SORCS2: variants seen among roughly 807,000 people sequenced by gnomAD.
SORCS2 encodes VPS10 domain-containing receptor SorCS2.
SORCS2 carries 100 observed loss-of-function variants against 141.6 expected under a neutral mutation model. The observed-to-expected ratio is 0.71, with a 90% CI of 0.60 to 0.83. The LOEUF (loss-of-function observed/expected upper bound fraction) is 0.83, where lower values mean the gene tolerates loss of function less well. SORCS2 is among the 40% of genes least tolerant of loss of function. SORCS2 has a pLI of 0.00. For synonymous variants in SORCS2, 789 were observed against 676.9 expected, an observed-to-expected ratio of 1.17 and a Z score of -2.57; for missense variants, 1,646 against 1,560.2, an observed-to-expected ratio of 1.05 and a Z score of -0.93.
chr4:7,210,514 C>T (rs1003937774), intron 1 of SORCS2, among the ~76,000 whole-genome samples: 6 of 152,096 alleles, frequency 3.9e-5, no homozygotes, highest in African/African-American at 1.4e-4. Flanking sequence ...CTCCTGGGCT[C>T]GAGGGATCTA....
chr4:7,651,007 G>T (rs544923712), intron 4 of SORCS2, among the ~76,000 whole-genome samples: 4 of 152,270 alleles, frequency 2.6e-5, no homozygotes, highest in Admixed American at 2.6e-4. Flanking sequence ...CCCCAGAGGG[G>T]CAGCTGGCAA....
At chr4:7,250,860 C>T (rs541866511) in intron 1 of SORCS2, among the ~76,000 whole-genome samples, 18 of 152,382 alleles carry the variant, frequency 1.2e-4, no homozygotes, top group South Asian at 2.1e-4. Context: ...GCGAGAAGAA[C>T]GGGGCCTTTT....
intron 3 of SORCS2, among the ~76,000 whole-genome samples, chr4:7,587,751 C>T (rs746422597): frequency 1.5e-4 from 23 of 152,294 alleles, no homozygotes; most frequent in East Asian, 3.9e-4. Flanking sequence ...TAAACTGGCC[C>T]GTCAGGGACT....
At chr4:7,198,521 C>CAGGGTTAGGG in intron 1 of SORCS2, among the ~76,000 whole-genome samples, 1 of 152,262 alleles carries the variant, frequency 6.6e-6, no homozygotes, top group East Asian at 1.9e-4. Flanking sequence ...GGATTGGAGC[C>CAGGGTTAGGG]TGAGGTGTGG....
At chr4:7,334,546 C>A (rs774063195) in intron 1 of SORCS2, among the ~76,000 whole-genome samples, 17 of 152,204 alleles carry the variant, frequency 1.1e-4, no homozygotes, top group African/African-American at 3.9e-4. Context: ...TGAGGGGTGG[C>A]AGCTGAACTT....
chr4:7,461,696 T>C (rs1278124151), intron 2 of SORCS2, among the ~76,000 whole-genome samples: 1 of 152,178 alleles, frequency 6.6e-6, no homozygotes, highest in Non-Finnish European at 1.5e-5. Context: ...CCTTCCACGG[T>C]CTGCAGCCAT....
chr4:7,682,229 G>A (rs1226541995), intron 9 of SORCS2, among the ~76,000 whole-genome samples: 1 of 152,166 alleles, frequency 6.6e-6, no homozygotes, highest in East Asian at 1.9e-4. Flanking sequence ...GTGTTCTAGG[G>A]TAAGCATGGA....
intron 20 of SORCS2, among the ~76,000 whole-genome samples, chr4:7,726,095 C>T (rs1727201016): frequency 6.6e-6 from 1 of 152,254 alleles, no homozygotes. Context: ...GCCCACCCGG[C>T]TGAGTGTGCA....
intron 3 of SORCS2, among the ~76,000 whole-genome samples, chr4:7,613,801 A>G (rs1269043201): frequency 6.6e-6 from 1 of 151,808 alleles, no homozygotes; most frequent in South Asian, 2.1e-4. Context: ...GTGTCTACCA[A>G]TCTATCTTTC....
chr4:7,297,418 C>A (rs1717150431), intron 1 of SORCS2, among the ~76,000 whole-genome samples: 1 of 152,148 alleles, frequency 6.6e-6, no homozygotes, highest in East Asian at 1.9e-4. Context: ...GCCCCTCCCC[C>A]ACCCCCACCC....
In SORCS2 at chr4:7,479,399, G is replaced by C. The variant is rs554820330; in HGVS notation, c.549-52131G>C. On this transcript the variant is annotated intron_variant, in intron 2 of 26. Coordinates refer to ENST00000507866, the MANE Select transcript of SORCS2 (RefSeq NM_020777.3). ...GAGACCACGTGCCCTAAAGCCCCCA[G>C]ATAAACAAACCTGCTCCAATTAGAC... is the stretch of plus-strand genomic sequence containing the variant. Among the ~76,000 whole-genome samples, 10 of 152,236 alleles carry C rather than the reference G, an allele frequency of 6.6e-5. No individual in the cohort carries two copies. In the South Asian group the frequency reaches 1.7e-3, roughly 25 times the overall value.
At chr4:7,350,318 T>A (rs567739407) in intron 1 of SORCS2, among the ~76,000 whole-genome samples, 1 of 152,182 alleles carries the variant, frequency 6.6e-6, no homozygotes, top group African/African-American at 2.4e-5. Flanking sequence ...GGGGCTACAG[T>A]TCAGTTCAGT....
chr4:7,193,684 G>A lies in SORCS2; in HGVS notation c.480+558G>A, dbSNP rs567919154. Among the ~76,000 whole-genome samples, 5 of 152,280 alleles carry A rather than the reference G, an allele frequency of 3.3e-5. No homozygotes were observed. The highest frequency in any genetic ancestry group is 4.1e-4 in the South Asian group (2 of 4,828). ...TCCCCGGGGTACTCTAGTGCGACCC[G>A]CGGCTGTCTTGAGCTCTTGCTGCCG... is the stretch of plus-strand genomic sequence containing the variant. On this transcript the variant is annotated intron_variant, in intron 1 of 26. Coordinates refer to ENST00000507866, the MANE Select transcript of SORCS2 (RefSeq NM_020777.3). This position sits in a 1 kb window ranked among gnomAD's most constrained non-coding sequence, Gnocchi z 4.8.
chr4:7,237,754 T>G (rs1319908055), intron 1 of SORCS2, among the ~76,000 whole-genome samples: 1 of 151,984 alleles, frequency 6.6e-6, no homozygotes, highest in African/African-American at 2.4e-5. Context: ...TTACGTCAGA[T>G]CCTGATTGAC....
At chr4:7,223,332 T>A (rs764767160) in intron 1 of SORCS2, among the ~76,000 whole-genome samples, 21 of 151,840 alleles carry the variant, frequency 1.4e-4, no homozygotes, top group Non-Finnish European at 2.6e-4. Flanking sequence ...CACACAGAGT[T>A]TGGAATTATT....
intron 1 of SORCS2, among the ~76,000 whole-genome samples, chr4:7,325,771 C>T (rs972524244): frequency 6.6e-6 from 1 of 152,198 alleles, no homozygotes; most frequent in Non-Finnish European, 1.5e-5. Flanking sequence ...CCTTCCCTCC[C>T]CCCACGCCCA....
intron 4 of SORCS2, among the ~76,000 whole-genome samples, chr4:7,645,168 G>A (rs1232253577): frequency 6.6e-6 from 1 of 152,208 alleles, no homozygotes; most frequent in East Asian, 1.9e-4. Flanking sequence ...CTGTGGGTAT[G>A]AGCAGTGCCC....
chr4:7,373,472 A>AATTTTT (rs1722394431), intron 1 of SORCS2, among the ~76,000 whole-genome samples: 1 of 57,698 alleles, frequency 1.7e-5, no homozygotes, highest in East Asian at 1.3e-3. Flanking sequence ...ATATATATAT[A>AATTTTT]TATATATTTT....
intron 4 of SORCS2, among the ~76,000 whole-genome samples, chr4:7,643,513 T>C (rs1720869538): frequency 6.6e-6 from 1 of 152,216 alleles, no homozygotes; most frequent in Non-Finnish European, 1.5e-5. Context: ...GATTGCCTTT[T>C]AGAAACTTAG....
Sources: gnomAD v4.1 joint callset for allele counts (sites outside exome capture counted in the v4.1 genomes callset) on GRCh38, gnomAD v4.1.1 for gene constraint, Gnocchi (gnomAD v3.1) non-coding constraint, MANE v1.5 for transcripts, NCBI Gene and HGNC (gene_info 2026-07-23, HGNC 2026-07-21) for gene names.